PLXNA4: variants seen among roughly 807,000 people sequenced by gnomAD.
PLXNA4 encodes plexin-A4.
Under a neutral mutation model 191.8 loss-of-function variants are expected in PLXNA4, and 44 were observed. The observed-to-expected ratio is 0.23, with a 90% CI of 0.18 to 0.29. The LOEUF (loss-of-function observed/expected upper bound fraction) is 0.29. Ranked by LOEUF, PLXNA4 falls within the 10% of genes least tolerant of loss-of-function variation. PLXNA4 has a pLI of 1.00. For missense variants in PLXNA4, 1,800 were observed against 2,488.8 expected (o/e 0.72, Z 5.89); for synonymous variants, 1,082 against 1,009.5 (o/e 1.07, Z -1.36).
At chr7:132,340,639 A>G (rs1802992495) in intron 3 of PLXNA4, among the ~76,000 whole-genome samples, 1 of 152,242 alleles carries the variant, frequency 6.6e-6, no homozygotes, top group African/African-American at 2.4e-5. Flanking sequence ...GAATTGGGAA[A>G]TTGGAAACAA....
intron 9 of PLXNA4, among the ~76,000 whole-genome samples, chr7:132,216,438 G>A (rs1265347591): frequency 2.0e-5 from 3 of 152,136 alleles, no homozygotes; most frequent in Non-Finnish European, 4.4e-5. Flanking sequence ...GGCCTCCAAG[G>A]GGCGGCTCTT....
At chr7:132,205,327 G>C (rs1797580069) in intron 10 of PLXNA4, among the ~76,000 whole-genome samples, 2 of 152,184 alleles carry the variant, frequency 1.3e-5, no homozygotes, top group African/African-American at 2.4e-5. Flanking sequence ...TCCCAGATCT[G>C]CCGGACTGGA....
intron 4 of PLXNA4, among the ~76,000 whole-genome samples, chr7:132,261,242 G>A (rs1044736638): frequency 6.6e-6 from 1 of 152,214 alleles, no homozygotes; most frequent in African/African-American, 2.4e-5. Flanking sequence ...CCAATGTGGA[G>A]AGCCAAGGTT....
At chr7:132,423,093 C>T (rs565056916) in intron 3 of PLXNA4, among the ~76,000 whole-genome samples, 25 of 152,328 alleles carry the variant, frequency 1.6e-4, no homozygotes, top group Admixed American at 8.5e-4. Flanking sequence ...ACTCCTGAAC[C>T]GTGTTCATCC....
At chr7:132,355,686 T>C (rs1025551764) in intron 3 of PLXNA4, among the ~76,000 whole-genome samples, 1 of 151,282 alleles carries the variant, frequency 6.6e-6, no homozygotes, top group African/African-American at 2.4e-5. Context: ...CAATTACAAA[T>C]AGGCATATAA....
chr7:132,204,086 C>T (rs557697205), intron 10 of PLXNA4, among the ~76,000 whole-genome samples: 1 of 152,318 alleles, frequency 6.6e-6, no homozygotes, highest in South Asian at 2.1e-4. Flanking sequence ...GAAATCTGGG[C>T]CTGGATGCTG....
intron 3 of PLXNA4, among the ~76,000 whole-genome samples, chr7:132,313,802 C>A (rs1282932709): frequency 3.3e-5 from 5 of 152,032 alleles, no homozygotes; most frequent in African/African-American, 1.2e-4. Context: ...AATCATTTCC[C>A]GGAGCCAGAA....
chr7:132,489,487 A>G lies in PLXNA4; in HGVS notation c.1189-13T>C. ...CAATGGTTAAGAGCTGCAAATTTTA[A>G]AAAGAGAAAAATTAGAAGGGAGCGT... On this transcript the variant is annotated splice_polypyrimidine_tract_variant and intron_variant, in intron 2 of 31. Transcript: ENST00000321063. 4 of 1,534,856 alleles carry G rather than the reference A, an allele frequency of 2.6e-6. No individual in the cohort carries two copies. Among genetic ancestry groups the G allele is most frequent in the Non-Finnish European group, 3.6e-6 (4 of 1,124,284 alleles).
chr7:132,493,994 T>C (rs535037182), intron 2 of PLXNA4, among the ~76,000 whole-genome samples: 1 of 152,200 alleles, frequency 6.6e-6, no homozygotes, highest in South Asian at 2.1e-4. Flanking sequence ...TTTGTTGTAC[T>C]GTGGTGAGGA....
intron 2 of PLXNA4, among the ~76,000 whole-genome samples, chr7:132,590,550 T>C (rs1303144668): frequency 6.6e-6 from 1 of 152,140 alleles, no homozygotes; most frequent in Non-Finnish European, 1.5e-5. Context: ...GCTGAAGAGC[T>C]TGGAGTCTGA....
intron 20 of PLXNA4, among the ~76,000 whole-genome samples, chr7:132,176,856 CTGTG>C: frequency 6.6e-6 from 1 of 150,494 alleles, no homozygotes; most frequent in East Asian, 2.0e-4. Flanking sequence ...ATGTGTATGT[CTGTG>C]TGTATGCATG....
At chr7:132,355,475 CA>C (rs918544701) in intron 3 of PLXNA4, among the ~76,000 whole-genome samples, 15 of 152,300 alleles carry the variant, frequency 9.8e-5, no homozygotes, top group East Asian at 7.7e-4. Flanking sequence ...TGGCTGTGAG[CA>C]AAAAGTGCAC....
chr7:132,594,686 G>T (rs1486501123), intron 2 of PLXNA4, among the ~76,000 whole-genome samples: 1 of 152,124 alleles, frequency 6.6e-6, no homozygotes, highest in Non-Finnish European at 1.5e-5. Context: ...ACAAAGAACG[G>T]TTCCAAATTT....
At chr7:132,183,207 CGCACACACGCATGTGCGT>C (rs969059094) in intron 16 of PLXNA4, among the ~76,000 whole-genome samples, 14 of 152,172 alleles carry the variant, frequency 9.2e-5, no homozygotes, top group Admixed American at 9.2e-4. Context: ...CTCACATGCG[CGCACACACGCATGTGCGT>C]GCACACACAG....
At chr7:132,638,982 C>A (rs910518034) in intron 2 of PLXNA4, among the ~76,000 whole-genome samples, 1 of 152,184 alleles carries the variant, frequency 6.6e-6, no homozygotes, top group Non-Finnish European at 1.5e-5. Context: ...ATTACACCCA[C>A]GTGTCCAGCA....
At chr7:132,333,223 A>G (rs906470151) in intron 3 of PLXNA4, among the ~76,000 whole-genome samples, 2 of 152,082 alleles carry the variant, frequency 1.3e-5, no homozygotes, top group Admixed American at 1.3e-4. Context: ...GTGTGTGGCT[A>G]GTGGGGAATT....
Position 132,124,705 on chromosome 7 carries a change from G to C in PLXNA4, c.*5774C>G, listed in dbSNP as rs1794721673. On this transcript the variant is annotated 3_prime_UTR_variant, in exon 32 of 32. Transcript: ENST00000321063. ...GATAAGAGATGTGTAGGATTCGGCA[G>C]TACCAGGGGCAGCCCAGAGAGCCAA... is the stretch of plus-strand genomic sequence containing the variant. 6.6e-6 allele frequency: 1 copy of C among 152,224 alleles called. No individual in the cohort carries two copies. The highest frequency in any genetic ancestry group is 1.5e-5 in the Non-Finnish European group (1 of 68,050). The allele number at this position is 152,224 out of a possible 1,614,324, so 9.4% of individuals were successfully genotyped here.
intron 5 of PLXNA4, among the ~76,000 whole-genome samples, chr7:132,231,105 G>T (rs1798509513): frequency 6.6e-6 from 1 of 152,132 alleles, no homozygotes; most frequent in Non-Finnish European, 1.5e-5. Context: ...AGGTTTTATA[G>T]GGAAGCCACC....
intron 2 of PLXNA4, among the ~76,000 whole-genome samples, chr7:132,616,671 T>C (rs901460648): frequency 6.6e-6 from 1 of 152,182 alleles, no homozygotes; most frequent in African/African-American, 2.4e-5. Context: ...ATATAGAAAC[T>C]GTAAAAGGAG....
Sources: gnomAD v4.1 joint callset for allele counts (sites outside exome capture counted in the v4.1 genomes callset) on GRCh38, gnomAD v4.1.1 for gene constraint, MANE v1.5 for transcripts, NCBI Gene and HGNC (gene_info 2026-07-23, HGNC 2026-07-21) for gene names.